The following ZBTB7C variants were observed in gnomAD, a reference collection of about 807,000 sequenced individuals.
The protein encoded by ZBTB7C is zinc finger and BTB domain-containing protein 7C.
In ZBTB7C, 8 loss-of-function variants were observed where a neutral mutation model predicts 25.7. The observed-to-expected ratio is 0.31, with a 90% CI of 0.18 to 0.56. The LOEUF (loss-of-function observed/expected upper bound fraction) is 0.56. Among genes scored for constraint, ZBTB7C ranks in the 20% least tolerant of loss-of-function variants. The pLI, the probability that ZBTB7C is intolerant of heterozygous loss-of-function variation, is 0.91. For synonymous variants in ZBTB7C, 394 were observed against 369.0 expected (o/e 1.07, Z -0.78); for missense variants, 824 against 855.2 (o/e 0.96, Z 0.46).
At chr18:48,390,499 G>A (rs538894450) in intron 1 of ZBTB7C, among the ~76,000 whole-genome samples, 9 of 152,148 alleles carry the variant, frequency 5.9e-5, no homozygotes, top group Non-Finnish European at 1.2e-4. Context: ...AAGCAAAAGC[G>A]CCTCCCACTG....
rs146943182 is a variant in ZBTB7C at position 48,058,670 on chromosome 18, T to C, written c.-16-17547A>G. Among the ~76,000 whole-genome samples the C allele has an allele frequency of 2.1e-3, 318 of 152,322 alleles. 2 individuals carry two copies. Among genetic ancestry groups the C allele is most frequent in the African/African-American group, 7.3e-3 (305 of 41,568 alleles). On this transcript the variant is annotated intron_variant, in intron 3 of 4. Transcript: ENST00000590800. ...AAGGATCCTCACCTCGTGGTATTCA[T>C]GCCCCGTGCAGTCCCCTCCTGCATT...
intron 2 of ZBTB7C, among the ~76,000 whole-genome samples, chr18:48,304,631 C>T (rs2045625417): frequency 6.6e-6 from 1 of 152,096 alleles, no homozygotes; most frequent in South Asian, 2.1e-4. Context: ...GCCAAGACCG[C>T]ACCACTGCAC....
chr18:48,262,483 C>G lies in ZBTB7C; in HGVS notation c.-79+75691G>C, dbSNP rs547370442. Among the ~76,000 whole-genome samples, 101 of 152,316 alleles carry G rather than the reference C, an allele frequency of 6.6e-4. 1 individual carries two copies. Among genetic ancestry groups the G allele is most frequent in the Non-Finnish European group, 4.4e-4 (30 of 68,034 alleles). On this transcript the variant is annotated intron_variant, in intron 2 of 4. Coordinates refer to ENST00000590800, the MANE Select transcript of ZBTB7C (RefSeq NM_001318841.2). The stretch of plus-strand genomic sequence containing the variant: ...AGATGAGGCCTACCCACAAGAAACT[C>G]TCTAAGACAAACACCAGGCAGTATA...
intron 3 of ZBTB7C, among the ~76,000 whole-genome samples, chr18:48,152,167 C>A (rs1372378675): frequency 6.6e-6 from 1 of 152,144 alleles, no homozygotes; most frequent in Non-Finnish European, 1.5e-5. Context: ...CTGGCTTCCA[C>A]AGGGTCCTTA....
At chr18:48,112,686 G>A (rs1241524290) in intron 3 of ZBTB7C, among the ~76,000 whole-genome samples, 1 of 152,054 alleles carries the variant, frequency 6.6e-6, no homozygotes, top group Non-Finnish European at 1.5e-5. Flanking sequence ...AATTATGTGG[G>A]CTTTTTCCAT....
rs1482289264 is a variant in ZBTB7C, at chr18:48,026,969, T to G, written c.*2291A>C. 1 of 151,732 alleles carries G rather than the reference T, an allele frequency of 6.6e-6. No homozygotes were observed. Among genetic ancestry groups the G allele is most frequent in the Non-Finnish European group, 1.5e-5 (1 of 67,938 alleles). 9.4% of individuals were successfully genotyped at this position (151,732 alleles called of 1,614,324 possible). A position where few individuals can be genotyped will look rare whatever the true frequency, so the allele number is the denominator to read the frequency against. The stretch of plus-strand genomic sequence containing the variant: ...GGCGGGATGTGGCGTGCGACCGAAG[T>G]TATGGAAGATTGTCCCTTGAATCAC... On this transcript the variant is annotated 3_prime_UTR_variant, in exon 5 of 5. Coordinates refer to ENST00000590800, the MANE Select transcript of ZBTB7C (RefSeq NM_001318841.2).
At chr18:48,264,666 A>G (rs9646548) in intron 2 of ZBTB7C, among the ~76,000 whole-genome samples, 41,132 of 151,944 alleles carry the variant, frequency 0.27, 5,761 homozygotes, top group Middle Eastern at 0.34. Flanking sequence ...AGCCTCCTTG[A>G]CATCACCCTC....
chr18:48,248,080 C>T (rs569549399), intron 2 of ZBTB7C, among the ~76,000 whole-genome samples: 25 of 152,326 alleles, frequency 1.6e-4, no homozygotes, highest in African/African-American at 3.6e-4. Context: ...CCATGTAAGA[C>T]GTTGACTTTG....
At chr18:48,350,779 C>A (rs2046846921) in intron 1 of ZBTB7C, among the ~76,000 whole-genome samples, 1 of 152,146 alleles carries the variant, frequency 6.6e-6, no homozygotes, top group South Asian at 2.1e-4. Context: ...AATTTTTACA[C>A]CCATGGTACA....
intron 3 of ZBTB7C, among the ~76,000 whole-genome samples, chr18:48,066,242 G>A (rs1051548534): frequency 5.9e-5 from 9 of 152,156 alleles, no homozygotes; most frequent in Admixed American, 2.0e-4. Context: ...GCCCCTATCT[G>A]CCCACAGCCT....
intron 3 of ZBTB7C, among the ~76,000 whole-genome samples, chr18:48,107,130 T>G (rs1201896570): frequency 3.6e-3 from 249 of 68,522 alleles, no homozygotes; most frequent in East Asian, 4.5e-3. Context: ...AGAGGGGAGG[T>G]GGAGAATGTG....
chr18:48,113,266 A>C (rs73956496), intron 3 of ZBTB7C, among the ~76,000 whole-genome samples: 52 of 152,304 alleles, frequency 3.4e-4, no homozygotes, highest in African/African-American at 1.2e-3. Flanking sequence ...CATCTGCTAA[A>C]TGGAGATAAT....
chr18:48,382,402 C>T (rs769058736), intron 1 of ZBTB7C, among the ~76,000 whole-genome samples: 4 of 152,298 alleles, frequency 2.6e-5, no homozygotes, highest in Admixed American at 2.0e-4. Context: ...CACTATGCCA[C>T]GGCTATTTCC....
intron 3 of ZBTB7C, among the ~76,000 whole-genome samples, chr18:48,092,772 C>T (rs2038467298): frequency 6.6e-6 from 1 of 152,268 alleles, no homozygotes; most frequent in African/African-American, 2.4e-5. Flanking sequence ...TTTCTAAGTG[C>T]GAAGTTAAAA....
At position 48,343,062 on chromosome 18, in the gene ZBTB7C, A is replaced by C. The variant is rs1598912711; in HGVS notation, c.-303-4664T>G. ...GTACAAACACAGCCCAGCATCAAGA[A>C]AACAGCACTGAATCAGTCAGTCTTG... On this transcript the variant is annotated intron_variant, in intron 1 of 4. Transcript: ENST00000590800. 2.6e-5 allele frequency among the ~76,000 whole-genome samples: 4 copies of C among 152,280 alleles called. No individual in the cohort carries two copies. In the South Asian group the frequency reaches 8.3e-4, roughly 32 times the overall value.
At chr18:48,397,113 T>C (rs2048045804) in intron 1 of ZBTB7C, among the ~76,000 whole-genome samples, 1 of 152,256 alleles carries the variant, frequency 6.6e-6, no homozygotes, top group Non-Finnish European at 1.5e-5. Context: ...ATCAAGTGGA[T>C]AATCTCTTCC....
intron 2 of ZBTB7C, among the ~76,000 whole-genome samples, chr18:48,198,115 T>C (rs1379289523): frequency 6.6e-6 from 1 of 152,236 alleles, no homozygotes; most frequent in African/African-American, 2.4e-5. Context: ...TTAAAAACAA[T>C]GGCTTTATAT....
intron 2 of ZBTB7C, among the ~76,000 whole-genome samples, chr18:48,250,219 TG>T (rs2043808029): frequency 6.6e-6 from 1 of 152,172 alleles, no homozygotes; most frequent in African/African-American, 2.4e-5. Flanking sequence ...AGAATGGGAT[TG>T]GGGGTCCAGT....
chr18:48,167,581 TGTGTGTGTGTGTGTGTGC>T (rs1489373538), intron 3 of ZBTB7C, among the ~76,000 whole-genome samples: 1 of 151,326 alleles, frequency 6.6e-6, no homozygotes, highest in Non-Finnish European at 1.5e-5. Flanking sequence ...TGTGTGTGTG[TGTGTGTGTGTGTGTGTGC>T]GCGCGTGCAC....
Sources: allele counts gnomAD v4.1 joint callset (sites outside exome capture counted in the v4.1 genomes callset), GRCh38; gene constraint gnomAD v4.1.1; transcripts MANE v1.5; gene names NCBI Gene and HGNC (gene_info 2026-07-23, HGNC 2026-07-21).